Variants in KCNJ13 observed in about 807,000 individuals in gnomAD.
KCNJ13 encodes potassium inwardly rectifying channel subfamily J member 13, also known as inward rectifier potassium channel 13.
A neutral mutation model predicts 24.6 loss-of-function variants in KCNJ13; 9 were observed. The ratio of observed to expected loss-of-function variants is 0.37; its 90% CI spans 0.22 to 0.64. KCNJ13 has a LOEUF of 0.64. Ranked by LOEUF, KCNJ13 falls within the 30% of genes least tolerant of loss-of-function variation. The pLI, the probability that KCNJ13 is intolerant of heterozygous loss-of-function variation, is 0.64. For synonymous variants in KCNJ13, 148 were observed against 154.7 expected, an observed-to-expected ratio of 0.96 and a Z score of 0.32; for missense variants, 337 against 443.8, an observed-to-expected ratio of 0.76 and a Z score of 2.16.
At position 232,765,842 on chromosome 2, in the gene KCNJ13, G is replaced by A; in HGVS notation, c.*2349C>T. 1 of 453,140 alleles carries A rather than the reference G, an allele frequency of 2.2e-6. No homozygotes were observed. The highest frequency in any genetic ancestry group is 4.6e-6 in the Non-Finnish European group (1 of 217,318). 28.1% of individuals were successfully genotyped at this position (453,140 alleles called of 1,614,324 possible). A position where few individuals can be genotyped will look rare whatever the true frequency, so the allele number is the denominator to read the frequency against. On this transcript the variant is annotated 3_prime_UTR_variant, in exon 3 of 3. Transcript: ENST00000233826. The stretch of plus-strand genomic sequence containing the variant: ...TAAAACTAGGCCCCTGAGATTTTTA[G>A]GTAACGACATGCCTCCAGTTTGTTG...
At position 232,768,754 on chromosome 2, in the gene KCNJ13, C is replaced by T; in HGVS notation, c.520G>A (p.Asp174Asn). 1.9e-6 allele frequency: 3 copies of T among 1,599,562 alleles called. No homozygotes were observed. Among genetic ancestry groups the T allele is most frequent in the Non-Finnish European group, 2.6e-6 (3 of 1,169,400 alleles). ...TCCATGTGAGCTACTACTGCTGTGT[C>T]AGTAAAGCGAATTGAAAAAGCTCGA... ...KNRAFSIRFT[D>N]TAVVAHMDGK... Residue 174 changes from aspartate to asparagine, a missense_variant, in exon 3 of 3, where the codon GAC becomes AAC. Asp to Asn is a conservative substitution (Grantham distance 23). This residue lies in a region of KCNJ13 where 235 missense variants were observed against 286.9 expected (regional missense o/e 0.82). Coordinates refer to ENST00000233826, the MANE Select transcript of KCNJ13 (RefSeq NM_002242.4).
At chr2:232,771,535 T>C (rs1398595662) in intron 1 of KCNJ13, 157 bp from the exon 2 acceptor site, 2 of 541,474 alleles carry the variant, frequency 3.7e-6, no homozygotes, top group East Asian at 2.9e-5. Context: ...TGGCATTTAC[T>C]AAGTCATTCA....
At chr2:232,772,074 A>G (rs994139228) in intron 1 of KCNJ13, among the ~76,000 whole-genome samples, 3 of 152,102 alleles carry the variant, frequency 2.0e-5, no homozygotes, top group African/African-American at 7.2e-5. Context: ...AACCTCAGCA[A>G]ATTTTTAGAA....
intron 1 of KCNJ13, among the ~76,000 whole-genome samples, chr2:232,774,935 C>T (rs1037879926): frequency 2.6e-5 from 4 of 152,164 alleles, no homozygotes; most frequent in South Asian, 2.1e-4. Context: ...TTACTTCTTA[C>T]CTACAACTTT....
At chr2:232,769,124 G>A (rs1001431318) in intron 2 of KCNJ13, among the ~76,000 whole-genome samples, 1 of 152,032 alleles carries the variant, frequency 6.6e-6, no homozygotes, top group African/African-American at 2.4e-5. Context: ...TCCTGCCTGT[G>A]CTTAAAAAAA....
chr2:232,770,784 A>G (rs965276572), intron 2 of KCNJ13, 119 bp downstream of exon 2: 8 of 720,894 alleles, frequency 1.1e-5, no homozygotes, highest in African/African-American at 8.9e-5. Context: ...TGCTATCAAT[A>G]TAGATAAATT....
chr2:232,771,892 T>TA (rs1242200112), intron 1 of KCNJ13, among the ~76,000 whole-genome samples: 5 of 152,164 alleles, frequency 3.3e-5, no homozygotes, highest in African/African-American at 1.2e-4. Context: ...TGAAGCCAGA[T>TA]TTAGTATAGG....
Position 232,765,948 on chromosome 2 carries a change from A to G in KCNJ13, c.*2243T>C, listed in dbSNP as rs897149263. On this transcript the variant is annotated 3_prime_UTR_variant, in exon 3 of 3. Transcript: ENST00000233826. ...AGTAGTCTTCCTGATCATGTGTGCA[A>G]GACTTCATGACCAAGCTCCCAGATG... is the stretch of plus-strand genomic sequence containing the variant. The G allele has an allele frequency of 8.5e-6, 4 of 471,042 alleles. No homozygotes were observed. Among genetic ancestry groups the G allele is most frequent in the African/African-American group, 8.0e-5 (4 of 50,072 alleles). The allele number at this position is 471,042 out of a possible 1,614,324, so 29.2% of individuals were successfully genotyped here. A position where few individuals can be genotyped will look rare whatever the true frequency, so the allele number is the denominator to read the frequency against.
chr2:232,771,492 T>A, intron 1 of KCNJ13, 114 bp from the exon 2 acceptor site: 1 of 632,194 alleles, frequency 1.6e-6, no homozygotes, highest in Non-Finnish European at 2.7e-6. Context: ...ACCACAACTT[T>A]GCCAACTCTC....
In KCNJ13 at chr2:232,776,506, G is replaced by T. The variant is rs1242869777; in HGVS notation, c.-78C>A. ...GGTCTTAAGGAAATTTACAGAGTCT[G>T]CCTTTTTGATCAGATAATTTTAATC... On this transcript the variant is annotated 5_prime_UTR_variant, in exon 1 of 3. Transcript: ENST00000233826. The T allele has an allele frequency of 7.6e-7, 1 of 1,312,850 alleles. No individual in the cohort carries two copies. The highest frequency in any genetic ancestry group is 1.1e-6 in the Non-Finnish European group (1 of 914,832). 81.3% of individuals were successfully genotyped at this position (1,312,850 alleles called of 1,614,324 possible).
Position 232,767,556 on chromosome 2 carries a change from A to G in KCNJ13, c.*635T>C, listed in dbSNP as rs1422075244. On this transcript the variant is annotated 3_prime_UTR_variant, in exon 3 of 3. Transcript: ENST00000233826. ...CACCTTCTGCCACAAATAAGTGAAC[A>G]TATATGTATGTGTTCGGGTGTCATG... The G allele has an allele frequency of 6.5e-6, 1 of 153,264 alleles. No homozygotes were observed. Among genetic ancestry groups the G allele is most frequent in the Non-Finnish European group, 1.5e-5 (1 of 68,542 alleles). The allele number at this position is 153,264 out of a possible 1,614,324, so 9.5% of individuals were successfully genotyped here.
In KCNJ13 at chr2:232,766,057, C is replaced by T; in HGVS notation, c.*2134G>A. 2.1e-6 allele frequency: 1 copy of T among 470,734 alleles called. No individual in the cohort carries two copies. The highest frequency in any genetic ancestry group is 1.6e-5 in the South Asian group (1 of 64,470). The allele number at this position is 470,734 out of a possible 1,614,324, so 29.2% of individuals were successfully genotyped here. A position where few individuals can be genotyped will look rare whatever the true frequency, so the allele number is the denominator to read the frequency against. On this transcript the variant is annotated 3_prime_UTR_variant, in exon 3 of 3. Coordinates refer to ENST00000233826, the MANE Select transcript of KCNJ13 (RefSeq NM_002242.4). ...AATTTCCGCCCTTTTTCCATTGTTA[C>T]TTCCTTTTCCTCAGAGGATAATGGT...
In KCNJ13 at chr2:232,765,856, T is replaced by A; in HGVS notation, c.*2335A>T. On this transcript the variant is annotated 3_prime_UTR_variant, in exon 3 of 3. Transcript: ENST00000233826. ...TGAGATTTTTAGGTAACGACATGCC[T>A]CCAGTTTGTTGAAACTGTCATGCTA... is the stretch of plus-strand genomic sequence containing the variant. The A allele has an allele frequency of 4.3e-6, 2 of 463,034 alleles. No homozygotes were observed. The highest frequency in any genetic ancestry group is 9.0e-6 in the Non-Finnish European group (2 of 221,966). 28.7% of individuals were successfully genotyped at this position (463,034 alleles called of 1,614,324 possible).
In KCNJ13 at chr2:232,768,465, A is replaced by G. The variant is rs748955297; in HGVS notation, c.809T>C (p.Phe270Ser). ...AGTGCCCTCCTGCATTGCTGAAAGG[A>G]ATACAACTAATTCAAAGTGAGAAGG... is the stretch of plus-strand genomic sequence containing the variant. Reference protein sequence around the residue: ...ENPSHFELVVFLSAMQEGTGE... With the variant: ...ENPSHFELVVSLSAMQEGTGE... Residue 270 changes from phenylalanine to serine, a missense_variant, in exon 3 of 3, where the codon TTC becomes TCC. Coordinates refer to ENST00000233826, the MANE Select transcript of KCNJ13 (RefSeq NM_002242.4). The G allele has an allele frequency of 6.2e-7, 1 of 1,614,192 alleles. No homozygotes were observed. The highest frequency in any genetic ancestry group is 1.1e-5 in the South Asian group (1 of 91,076).
intron 1 of KCNJ13, among the ~76,000 whole-genome samples, chr2:232,772,384 A>G (rs1699303358): frequency 6.6e-6 from 1 of 152,222 alleles, no homozygotes; most frequent in South Asian, 2.1e-4. Context: ...AAATTCCAGG[A>G]AGACATTTCT....
rs1181639927 is a variant in KCNJ13, at chr2:232,766,013, G to A, written c.*2178C>T. 2.1e-6 allele frequency: 1 copy of A among 471,070 alleles called. No homozygotes were observed. Among genetic ancestry groups the A allele is most frequent in the African/African-American group, 2.0e-5 (1 of 50,198 alleles). 29.2% of individuals were successfully genotyped at this position (471,070 alleles called of 1,614,324 possible). A position where few individuals can be genotyped will look rare whatever the true frequency, so the allele number is the denominator to read the frequency against. Reference sequence around the variant, plus strand: ...GCTGCACATCCAGAAAGGCAGAGCAGCCATTCCTCCCTCCCAGTAATTTCC... The same window carrying A: ...GCTGCACATCCAGAAAGGCAGAGCAACCATTCCTCCCTCCCAGTAATTTCC... On this transcript the variant is annotated 3_prime_UTR_variant, in exon 3 of 3. Coordinates refer to ENST00000233826, the MANE Select transcript of KCNJ13 (RefSeq NM_002242.4).
intron 1 of KCNJ13, among the ~76,000 whole-genome samples, chr2:232,773,819 C>T (rs889985642): frequency 6.6e-6 from 1 of 151,438 alleles, no homozygotes; most frequent in African/African-American, 2.4e-5. Context: ...GTGTCTGGCT[C>T]CCAGCACTTC....
At chr2:232,776,023 A>G (rs1440957384) in intron 1 of KCNJ13, among the ~76,000 whole-genome samples, 1 of 152,170 alleles carries the variant, frequency 6.6e-6, no homozygotes, top group Non-Finnish European at 1.5e-5. Flanking sequence ...TAGGATACTC[A>G]TCACTTTCTT....
Position 232,768,438 on chromosome 2 carries a change from C to G in KCNJ13, c.836G>C (p.Gly279Ala). 1 of 1,614,190 alleles carries G rather than the reference C, an allele frequency of 6.2e-7. No homozygotes were observed. Among genetic ancestry groups the G allele is most frequent in the Non-Finnish European group, 8.5e-7 (1 of 1,180,024 alleles). ...VFLSAMQEGT[G>A]EICQRRTSYL... ...GGATGTCCTCCTTTGGCATATTTCTCCAGTGCCCTCCTGCATTGCTGAAAG... is the reference window on the plus strand; with the variant it reads ...GGATGTCCTCCTTTGGCATATTTCTGCAGTGCCCTCCTGCATTGCTGAAAG... Residue 279 changes from glycine (G) to alanine (A), a missense_variant, in exon 3 of 3, where the codon GGA becomes GCA. Gly to Ala is a moderately conservative substitution (Grantham distance 60, BLOSUM62 0). Around this residue, in one of 3 missense-constraint regions of KCNJ13, gnomAD observed 235 missense variants for 286.9 expected, o/e 0.82. Transcript: ENST00000233826.
Sources: allele counts gnomAD v4.1 joint callset (sites outside exome capture counted in the v4.1 genomes callset), GRCh38; gene constraint gnomAD v4.1.1; regional missense constraint gnomAD v4.1.1; transcripts MANE v1.5; gene names NCBI Gene and HGNC (gene_info 2026-07-23, HGNC 2026-07-21).